The following SRP68 variants were observed in gnomAD, a reference collection of about 807,000 sequenced individuals.
SRP68 encodes signal recognition particle subunit SRP68.
In SRP68, 15 loss-of-function variants were observed where a neutral mutation model predicts 82.2. The observed-to-expected ratio is 0.18, with a 90% CI of 0.12 to 0.28. The LOEUF (loss-of-function observed/expected upper bound fraction) is 0.28. Among genes scored for constraint, SRP68 ranks in the 10% least tolerant of loss-of-function variants. The pLI is 1.00. For missense variants in SRP68, 595 were observed against 780.5 expected, an observed-to-expected ratio of 0.76 and a Z score of 2.83; for synonymous variants, 261 against 292.6, an observed-to-expected ratio of 0.89 and a Z score of 1.10.
chr17:76,061,377 A>G, intron 5 of SRP68, 115 bp downstream of exon 5: 1 of 1,026,228 alleles, frequency 9.7e-7, no homozygotes. Flanking sequence ...CAACATTTCT[A>G]TAGGAAAGAA....
At chr17:76,048,045 G>T in intron 9 of SRP68, 75 bp from the exon 10 acceptor site, 1 of 1,013,416 alleles carries the variant, frequency 9.9e-7, no homozygotes, top group Non-Finnish European at 1.4e-6. Flanking sequence ...TGGAATGGTG[G>T]GGTCTCCAAA....
At chr17:76,040,658 C>A (rs982275968) in intron 14 of SRP68, 184 bp from the exon 15 acceptor site, 25 of 689,432 alleles carry the variant, frequency 3.6e-5, no homozygotes, top group Middle Eastern at 3.8e-4. Flanking sequence ...GATCCAATGC[C>A]GTCGGCCCAG....
chr17:76,040,542 T>A, intron 14 of SRP68, 68 bp from the exon 15 acceptor site: 1 of 1,503,396 alleles, frequency 6.7e-7, no homozygotes, highest in Non-Finnish European at 9.3e-7. Flanking sequence ...AAATGAGGCC[T>A]ATCACACAGG....
intron 15 of SRP68, 94 bp downstream of exon 15, chr17:76,040,325 G>T (rs780502352): frequency 1.5e-5 from 19 of 1,272,900 alleles, no homozygotes; most frequent in Non-Finnish European, 2.2e-5. Context: ...GGTTTCCTTA[G>T]AAATTTAGGG....
intron 11 of SRP68, among the ~76,000 whole-genome samples, 176 bp from the exon 12 acceptor site, chr17:76,045,562 C>A (rs1169605301): frequency 6.6e-6 from 1 of 152,172 alleles, no homozygotes; most frequent in Admixed American, 6.5e-5. Context: ...CACCTCCACT[C>A]CCCTCTGATC....
At chr17:76,062,766 A>AT (rs2066776515) in intron 4 of SRP68, among the ~76,000 whole-genome samples, 8 of 71,628 alleles carry the variant, frequency 1.1e-4, no homozygotes, top group Non-Finnish European at 1.5e-4. Flanking sequence ...TATATATATA[A>AT]AATATATATA....
chr17:76,042,535 TA>T (rs59216233), intron 13 of SRP68, among the ~76,000 whole-genome samples: 61,035 of 129,804 alleles, frequency 0.47, 14,411 homozygotes, highest in African/African-American at 0.62. Flanking sequence ...GACTCCATCT[TA>T]AAAAAAAAAA....
In SRP68 at chr17:76,046,080, G is replaced by A. The variant is rs373215681; in HGVS notation, c.1257C>T (p.Pro419=). 2.0e-5 allele frequency: 32 copies of A among 1,613,842 alleles called. No homozygotes were observed. The African/African-American group carries it at 3.9e-4, about 20-fold the overall frequency. ...QQPEDDSKRS[P]RPQDLIRLYD... is the part of the protein sequence containing the mutation. ...AGAGTCGGATCAGGTCCTGGGGCCG[G>A]GGTGAGCGCTTGCTGTCATCCTCTG... Residue 419 remains proline, a synonymous_variant, in exon 11 of 16, where the codon CCC becomes CCT. Transcript: ENST00000307877.
Position 76,039,604 on chromosome 17 carries a change from G to C in SRP68, c.*102C>G. ...GCCGAAGATGTTAAACTCTTGCCCC[G>C]GGCCAATGCAGACCTGGATTTAATA... On this transcript the variant is annotated 3_prime_UTR_variant, in exon 16 of 16. Transcript: ENST00000307877. The C allele has an allele frequency of 8.7e-7, 1 of 1,145,922 alleles. No homozygotes were observed. The highest frequency in any genetic ancestry group is 1.3e-6 in the Non-Finnish European group (1 of 798,588). The allele number at this position is 1,145,922 out of a possible 1,614,324, so 71.0% of individuals were successfully genotyped here.
In SRP68 at chr17:76,054,590, G is replaced by A. The variant is rs182757744; in HGVS notation, c.978+2813C>T. The stretch of plus-strand genomic sequence containing the variant: ...GCCTGAGCTGGGCGCTGTGGCTCAC[G>A]CCTGTAATCCCAGCACTTTGGGAGG... On this transcript the variant is annotated intron_variant, in intron 8 of 15. Transcript: ENST00000307877. Among the ~76,000 whole-genome samples, 476 of 152,208 alleles carry A rather than the reference G, an allele frequency of 3.1e-3. 2 individuals are homozygous for A. The highest frequency in any genetic ancestry group is 8.5e-3 in the African/African-American group (354 of 41,520).
At chr17:76,053,888 C>G (rs2066693719) in intron 8 of SRP68, among the ~76,000 whole-genome samples, 1 of 152,182 alleles carries the variant, frequency 6.6e-6, no homozygotes, top group African/African-American at 2.4e-5. Flanking sequence ...AAACTCCTCT[C>G]AACACGCAGA....
chr17:76,070,542 A>C, intron 1 of SRP68, 98 bp from the exon 2 acceptor site: 1 of 1,066,600 alleles, frequency 9.4e-7, no homozygotes, highest in African/African-American at 1.6e-5. Flanking sequence ...ACAACACATT[A>C]AACATTTGTG....
At chr17:76,062,730 TA>T (rs1567935192) in intron 4 of SRP68, among the ~76,000 whole-genome samples, 42 of 874 alleles carry the variant, frequency 0.048, 6 homozygotes, top group Middle Eastern at 0.38. Context: ...ATATTTATTT[TA>T]TATATATATA....
chr17:76,043,750 T>C, intron 13 of SRP68, 79 bp downstream of exon 13: 2 of 1,458,630 alleles, frequency 1.4e-6, no homozygotes, highest in South Asian at 2.9e-5. Flanking sequence ...GGCGCCCAGC[T>C]GTTGTACCCT....
At position 76,062,723 on chromosome 17, in the gene SRP68, T is replaced by TA. The variant is rs1567935156; in HGVS notation, c.562-1150_562-1149insT. ...ATTGTATATTATACAATATATTATA[T>TA]TTATTTTATATATATATATATATAT... On this transcript the variant is annotated intron_variant, in intron 4 of 15. Transcript: ENST00000307877. Among the ~76,000 whole-genome samples the TA allele has an allele frequency of 3.2e-3, 117 of 36,208 alleles. 39 individuals are homozygous for TA. Among genetic ancestry groups the TA allele is most frequent in the African/African-American group, 4.0e-3 (24 of 6,000 alleles). The allele number at this position is 36,208 out of a possible 152,430, so 23.8% of individuals were successfully genotyped here.
Position 76,046,029 on chromosome 17 carries a change from A to G in SRP68, c.1299+9T>C. The G allele has an allele frequency of 6.2e-7, 1 of 1,613,648 alleles. No homozygotes were observed. The highest frequency in any genetic ancestry group is 8.5e-7 in the Non-Finnish European group (1 of 1,179,810). On this transcript the variant is annotated intron_variant, in intron 11 of 15. Coordinates refer to ENST00000307877, the MANE Select transcript of SRP68 (RefSeq NM_014230.4). ...ACAGGCCCTTGCCTTCCCGGTCCTC[A>G]AGGGTCACCTGTAAGATGATGTCAT...
intron 4 of SRP68, among the ~76,000 whole-genome samples, chr17:76,063,399 T>C (rs1455305101): frequency 6.6e-6 from 1 of 152,130 alleles, no homozygotes; most frequent in Non-Finnish European, 1.5e-5. Context: ...AAGTTACAGC[T>C]AGATGGCCAC....
At chr17:76,058,049 T>G (rs985436174) in intron 7 of SRP68, among the ~76,000 whole-genome samples, 4 of 152,042 alleles carry the variant, frequency 2.6e-5, no homozygotes, top group Non-Finnish European at 5.9e-5. Context: ...GACAGCTTAC[T>G]GCAACCTCCA....
In SRP68 at chr17:76,040,434, T is replaced by G; in HGVS notation, c.1641A>C (p.Gln547His). ...CCAGACTTACCTTATTGTCCTTGAC[T>G]TGGGAGGAGGAGGTCTCTGTTTGAT... ...DAHQTETSSS[Q>H]VKDNKPLVER... The change falls in exon 15 of 16, where the codon CAA becomes CAC. Residue 547 changes from glutamine (Q) to histidine (H), a missense_variant. Physicochemically the swap from Gln to His is conservative, Grantham distance 24 (BLOSUM62 0). This residue lies in a region of SRP68 where 495 missense variants were observed against 688.6 expected (regional missense o/e 0.72). Transcript: ENST00000307877. The G allele has an allele frequency of 1.2e-6, 2 of 1,614,178 alleles. No homozygotes were observed. The highest frequency in any genetic ancestry group is 1.7e-6 in the Non-Finnish European group (2 of 1,179,988).
Sources: allele counts gnomAD v4.1 joint callset (sites outside exome capture counted in the v4.1 genomes callset), GRCh38; gene constraint gnomAD v4.1.1; regional missense constraint gnomAD v4.1.1; transcripts MANE v1.5; gene names NCBI Gene and HGNC (gene_info 2026-07-23, HGNC 2026-07-21).